The following DOCK11 variants were observed in gnomAD, a reference collection of about 807,000 sequenced individuals.
DOCK11 encodes dedicator of cytokinesis protein 11.
In DOCK11, 70 loss-of-function variants were observed where a neutral mutation model predicts 169.1. The ratio of observed to expected loss-of-function variants is 0.41; its 90% confidence interval spans 0.34 to 0.51. DOCK11 has a LOEUF of 0.51. Among genes scored for constraint, DOCK11 ranks in the 20% least tolerant of loss-of-function variants. The pLI, the probability that DOCK11 is intolerant of heterozygous loss-of-function variation, is 0.10. For missense variants in DOCK11, 1,166 were observed against 1,538.8 expected (o/e 0.76, Z 4.05); for synonymous variants, 529 against 541.3 (o/e 0.98, Z 0.32).
intron 1 of DOCK11, among the ~76,000 whole-genome samples, chrX:118,539,518 A>G (rs896247101): frequency 3.6e-5 from 4 of 111,430 alleles, no homozygotes; most frequent in African/African-American, 6.5e-5. Context: ...TGAGATCAAT[A>G]GTATAGCATG....
chrX:118,560,245 A>G (rs1377835143), intron 6 of DOCK11, among the ~76,000 whole-genome samples: 6 of 111,640 alleles, frequency 5.4e-5, no homozygotes, highest in Non-Finnish European at 7.5e-5. Flanking sequence ...TGCTATGGAG[A>G]AATAAATTGA....
At chrX:118,627,467 T>C (rs1467167167) in intron 32 of DOCK11, 37 bp from the exon 33 acceptor site, 24 of 1,029,902 alleles carry the variant, frequency 2.3e-5, no homozygotes, top group Non-Finnish European at 3.3e-5. Flanking sequence ...TATATACGAA[T>C]TTGTTTAAAT....
At chrX:118,503,540 A>G (rs1254939493) in intron 1 of DOCK11, among the ~76,000 whole-genome samples, 2 of 110,357 alleles carry the variant, frequency 1.8e-5, no homozygotes, top group East Asian at 5.7e-4. Flanking sequence ...AGCTTGTGTG[A>G]ACTGAAGGAA....
chrX:118,674,905 T>A (rs896782043), intron 46 of DOCK11, among the ~76,000 whole-genome samples: 2 of 112,284 alleles, frequency 1.8e-5, no homozygotes, highest in Non-Finnish European at 3.8e-5. Context: ...ATTGTCTTGG[T>A]TTGCATTTCC....
In DOCK11 at chrX:118,627,572, A is replaced by G. The variant is rs2015139945; in HGVS notation, c.3657A>G (p.Lys1219=). The G allele has an allele frequency of 8.3e-7, 1 of 1,204,102 alleles. No homozygotes were observed. Among genetic ancestry groups the G allele is most frequent in the Non-Finnish European group, 1.1e-6 (1 of 888,834 alleles). The change falls in exon 33 of 53, where the codon AAA becomes AAG. Residue 1219 remains lysine, a synonymous_variant. Transcript: ENST00000276202. ...ATAGAGGGAGTCTGAGCACTGACAA[A>G]GACACCGGTAATTAAACCTTTTGGA... ...PANRGSLSTD[K]DTAYGSFQNG... is the part of the protein sequence containing the mutation.
At chrX:118,684,258 TTC>T (rs1268255080) in intron 52 of DOCK11, among the ~76,000 whole-genome samples, 5 of 108,421 alleles carry the variant, frequency 4.6e-5, no homozygotes, top group African/African-American at 1.7e-4. Context: ...AAGCTTTTTT[TTC>T]TTTTTTTTTT....
intron 1 of DOCK11, among the ~76,000 whole-genome samples, chrX:118,518,803 T>C (rs2147319759): frequency 8.9e-6 from 1 of 111,748 alleles, no homozygotes; most frequent in South Asian, 3.7e-4. Context: ...TGTAGGGTCA[T>C]CAATTGTAAC....
In DOCK11 at chrX:118,503,074, C is replaced by CTTTT. The variant is rs767017269; in HGVS notation, c.102+7014_102+7017dup. 6.7e-3 allele frequency among the ~76,000 whole-genome samples: 609 copies of CTTTT among 90,684 alleles called. 20 individuals carry two copies. The highest frequency in any genetic ancestry group is 0.012 in the Middle Eastern group (2 of 162). 78.7% of individuals were successfully genotyped at this position (90,684 alleles called of 115,157 possible). On this transcript the variant is annotated intron_variant, in intron 1 of 52. Transcript: ENST00000276202. Reference sequence around the variant, plus strand: ...TAGTTCTGGAGAGAGATAACAAAGGCTTTTTTTTTTTTTTTTGAAATGGAG... The same window carrying CTTTT: ...TAGTTCTGGAGAGAGATAACAAAGGCTTTTTTTTTTTTTTTTTTTTGAAATGGAG...
intron 35 of DOCK11, among the ~76,000 whole-genome samples, chrX:118,631,787 GA>G (rs1375987611): frequency 9.0e-6 from 1 of 111,003 alleles, no homozygotes; most frequent in Non-Finnish European, 1.9e-5. Flanking sequence ...CCCAAAGAAT[GA>G]GGGAAAGAGA....
At chrX:118,670,594 C>T (rs1388045387) in intron 45 of DOCK11, among the ~76,000 whole-genome samples, 1 of 111,399 alleles carries the variant, frequency 9.0e-6, no homozygotes, top group East Asian at 2.8e-4. Context: ...AACACAATAG[C>T]TTGAAAAAGT....
chrX:118,574,121 CTCTT>C, intron 12 of DOCK11, 103 bp downstream of exon 12: 1 of 880,119 alleles, frequency 1.1e-6, no homozygotes, highest in Non-Finnish European at 1.6e-6. Flanking sequence ...GGCATTCTCT[CTCTT>C]GTAAGGTCTG....
Position 118,544,645 on chromosome X carries a change from C to CTTTTT in DOCK11, c.393-650_393-646dup, listed in dbSNP as rs1157804079. On this transcript the variant is annotated intron_variant, in intron 4 of 52. Coordinates refer to ENST00000276202, the MANE Select transcript of DOCK11 (RefSeq NM_144658.4). ...TGCAAGAGCCAGAATTACACTGTTG[C>CTTTTT]TTTTTTTTTTTTTTTTTTTTTTTTT... Among the ~76,000 whole-genome samples the CTTTTT allele has an allele frequency of 1.5e-3, 35 of 23,367 alleles. 5 individuals are homozygous for CTTTTT. Among genetic ancestry groups the CTTTTT allele is most frequent in the Non-Finnish European group, 1.6e-3 (22 of 13,904 alleles). The allele number at this position is 23,367 out of a possible 115,157, so 20.3% of individuals were successfully genotyped here.
chrX:118,599,474 A>G (rs745354232), intron 23 of DOCK11, among the ~76,000 whole-genome samples: 113 of 111,923 alleles, frequency 1.0e-3, no homozygotes, highest in South Asian at 1.9e-3. Flanking sequence ...CTCTCATGAA[A>G]ATGTTTATTT....
At chrX:118,647,095 A>G (rs939409173) in intron 40 of DOCK11, among the ~76,000 whole-genome samples, 2 of 107,408 alleles carry the variant, frequency 1.9e-5, no homozygotes, top group Admixed American at 1.0e-4. Flanking sequence ...CTCCTTTTCT[A>G]TGCTAAAATG....
chrX:118,675,998 T>C lies in DOCK11; in HGVS notation c.5262T>C (p.His1754=), dbSNP rs2016599835. 1.7e-6 allele frequency: 2 copies of C among 1,203,439 alleles called. No homozygotes were observed. The highest frequency in any genetic ancestry group is 2.2e-6 in the Non-Finnish European group (2 of 892,608). Residue 1754 remains histidine, a synonymous_variant, in exon 47 of 53, where the codon CAT becomes CAC. Coordinates refer to ENST00000276202, the MANE Select transcript of DOCK11 (RefSeq NM_144658.4). Reference sequence around the variant, plus strand: ...ACACAAAAATTCTGGAAGTTATGCATACAAAAAAGAGACTTTTAGGCACTT... The same window carrying C: ...ACACAAAAATTCTGGAAGTTATGCACACAAAAAAGAGACTTTTAGGCACTT... The part of the protein sequence containing the change: ...GAYTKILEVM[H]TKKRLLGTFF...
rs60932296 is a variant in DOCK11 at position 118,531,412 on chromosome X, C to CAAAAA, written c.103-11278_103-11274dup. Among the ~76,000 whole-genome samples the CAAAAA allele has an allele frequency of 8.2e-4, 24 of 29,203 alleles. 1 individual carries two copies. Among genetic ancestry groups the CAAAAA allele is most frequent in the African/African-American group, 1.8e-3 (15 of 8,150 alleles). 25.4% of individuals were successfully genotyped at this position (29,203 alleles called of 115,157 possible). ...TCGGGGCTGCAGTGAGCCATATACT[C>CAAAAA]AAAAAAAAAAAAAAAAAAAAAAAAA... On this transcript the variant is annotated intron_variant, in intron 1 of 52. Coordinates refer to ENST00000276202, the MANE Select transcript of DOCK11 (RefSeq NM_144658.4).
intron 42 of DOCK11, 61 bp from the exon 43 acceptor site, chrX:118,654,540 CA>C: frequency 2.8e-6 from 3 of 1,084,711 alleles, no homozygotes; most frequent in Non-Finnish European, 3.8e-6. Flanking sequence ...CATTGGATGA[CA>C]AGCCTTAGAG....
Position 118,610,317 on chromosome X carries a change from C to T in DOCK11, c.2995C>T (p.His999Tyr), listed in dbSNP as rs780098266. The change falls in exon 28 of 53, where the codon CAT (histidine) becomes TAT (tyrosine). Residue 999 changes from histidine (H) to tyrosine (Y), a missense_variant. By Grantham distance (83) the His-to-Tyr change is moderately conservative. Transcript: ENST00000276202. ...RFPETYHHVLHSLLLAIIPHV... is the reference protein window; with the variant it reads ...RFPETYHHVLYSLLLAIIPHV... Reference sequence around the variant, plus strand: ...TCCCGAGACATATCATCATGTCTTACATTCACTGCTTCTTGCAATAATTCC... The same window carrying T: ...TCCCGAGACATATCATCATGTCTTATATTCACTGCTTCTTGCAATAATTCC... The T allele has an allele frequency of 2.4e-5, 29 of 1,209,152 alleles. No homozygotes were observed. The highest frequency in any genetic ancestry group is 2.0e-5 in the Non-Finnish European group (18 of 894,529).
At position 118,666,114 on chromosome X, in the gene DOCK11, G is replaced by A. The variant is rs748709622; in HGVS notation, c.5076+3322G>A. 4.5e-5 allele frequency among the ~76,000 whole-genome samples: 5 copies of A among 111,011 alleles called. No individual in the cohort carries two copies. The South Asian group carries it at 1.1e-3, about 25-fold the overall frequency. ...TCCACTAAAAATATAAAAATTAGCC[G>A]AGCGTGGTGGCACAGGCCTGTAATC... On this transcript the variant is annotated intron_variant, in intron 45 of 52. Transcript: ENST00000276202.
Sources: gnomAD v4.1 joint callset for allele counts (sites outside exome capture counted in the v4.1 genomes callset) on GRCh38, gnomAD v4.1.1 for gene constraint, MANE v1.5 for transcripts, NCBI Gene and HGNC (gene_info 2026-07-23, HGNC 2026-07-21) for gene names.